The following DPH6 variants were observed in gnomAD, a reference collection of about 807,000 sequenced individuals.
DPH6 encodes the protein diphthine--ammonia ligase.
Under a neutral mutation model 38.2 loss-of-function variants are expected in DPH6, and 33 were observed. That is an observed-to-expected ratio of 0.86 (90% CI 0.65 to 1.15). The LOEUF is 1.15. DPH6 is among the 50% of genes most tolerant of loss of function. The pLI is 0.00. For synonymous variants in DPH6, 108 were observed against 103.0 expected (o/e 1.05, Z -0.30); for missense variants, 325 against 320.0 (o/e 1.02, Z -0.12).
chr15:35,264,412 C>T (rs1294411478), intron 3 of DPH6, among the ~76,000 whole-genome samples: 1 of 152,044 alleles, frequency 6.6e-6, no homozygotes, highest in Non-Finnish European at 1.5e-5. Context: ...GCTGATTTAC[C>T]CAACACTTTA....
chr15:35,205,729 T>C, the DPH6 span, among the ~76,000 whole-genome samples: 2 of 152,088 alleles, frequency 1.3e-5, no homozygotes, highest in Non-Finnish European at 2.9e-5. Flanking sequence ...CAAGACAGTG[T>C]GCTAGAATAA....
At chr15:35,359,446 T>A (rs529209703) in intron 3 of DPH6, among the ~76,000 whole-genome samples, 1 of 152,294 alleles carries the variant, frequency 6.6e-6, no homozygotes, top group Admixed American at 6.5e-5. Context: ...AGAGATTTGC[T>A]TCTCTCTGTG....
chr15:35,465,239 C>A (rs910558335), intron 3 of DPH6, among the ~76,000 whole-genome samples: 1 of 152,044 alleles, frequency 6.6e-6, no homozygotes, highest in African/African-American at 2.4e-5. Context: ...TGAGTTCCTG[C>A]CTGTTGAGAA....
intron 3 of DPH6, among the ~76,000 whole-genome samples, chr15:35,533,860 G>T (rs1207706658): frequency 6.6e-6 from 1 of 152,022 alleles, no homozygotes; most frequent in African/African-American, 2.4e-5. Context: ...CTGTTTGCAT[G>T]GAAGAGAACA....
chr15:35,530,787 T>G (rs1226168182), intron 3 of DPH6, among the ~76,000 whole-genome samples: 2 of 152,232 alleles, frequency 1.3e-5, no homozygotes, highest in South Asian at 2.1e-4. Flanking sequence ...CTTCATGTAC[T>G]TCCTCATGCA....
the DPH6 span, among the ~76,000 whole-genome samples, chr15:35,195,404 G>T: frequency 1.3e-5 from 2 of 152,110 alleles, no homozygotes; most frequent in African/African-American, 4.8e-5. Flanking sequence ...TATAAAAGAG[G>T]AAACTGAGGC....
At chr15:35,161,082 T>C in the DPH6 span, among the ~76,000 whole-genome samples, 3 of 151,912 alleles carry the variant, frequency 2.0e-5, no homozygotes, top group Admixed American at 1.3e-4. Context: ...ATGGCACATG[T>C]ATACATATGT....
At chr15:35,428,742 C>T (rs939852413) in intron 5 of DPH6, among the ~76,000 whole-genome samples, 1 of 152,024 alleles carries the variant, frequency 6.6e-6, no homozygotes, top group Admixed American at 6.6e-5. Flanking sequence ...TTCTCGTTGG[C>T]CCAGTAACCT....
In DPH6 at chr15:35,249,468, T is replaced by C. The variant is rs574665068; in HGVS notation, n.201-28886A>G. ...TATTACAGATATTTAAGGAGATAGATGGTATAAATCTATGTTCCTGGGGGT... is the reference window on the plus strand; with the variant it reads ...TATTACAGATATTTAAGGAGATAGACGGTATAAATCTATGTTCCTGGGGGT... On this transcript the variant is annotated intron_variant and non_coding_transcript_variant, in intron 3 of 3. Coordinates refer to the DPH6 transcript ENST00000560386. Among the ~76,000 whole-genome samples the C allele has an allele frequency of 1.1e-4, 16 of 152,310 alleles. No homozygotes were observed. In the South Asian group the frequency reaches 2.7e-3, roughly 26 times the overall value.
In DPH6 at chr15:35,472,464, CT is replaced by C. The variant is rs754251475; in HGVS notation, c.313-17645del. 2.0e-5 allele frequency among the ~76,000 whole-genome samples: 3 copies of C among 152,226 alleles called. No individual in the cohort carries two copies. The East Asian group carries it at 5.8e-4, about 29-fold the overall frequency. The stretch of plus-strand genomic sequence containing the variant: ...AGAGGGAAGAACCAGTTTTCCCTTC[CT>C]TGTGCCCTCCAATCTCCCCAGTACC... On this transcript the variant is annotated intron_variant, in intron 3 of 8. Transcript: ENST00000256538.
rs758649328 is a variant in DPH6 at position 35,450,714 on chromosome 15, T to C, written c.476A>G (p.Gln159Arg). 1.2e-5 allele frequency: 20 copies of C among 1,613,252 alleles called. No homozygotes were observed. The South Asian group carries it at 1.9e-4, about 15-fold the overall frequency. Residue 159 changes from glutamine to arginine, a missense_variant, in exon 5 of 9, where the codon CAA becomes CGA. Coordinates refer to ENST00000256538, the MANE Select transcript of DPH6 (RefSeq NM_080650.4). ...LLREMISSNI[Q>R]AMIIKVAALG... ...AGCTGCTACTTTGATGATCATTGCTTGAATGTTAGATGATATCATCTCTCT... is the reference window on the plus strand; with the variant it reads ...AGCTGCTACTTTGATGATCATTGCTCGAATGTTAGATGATATCATCTCTCT...
chr15:35,317,475 AAG>A (rs1177566916), intron 3 of DPH6, among the ~76,000 whole-genome samples: 1 of 151,596 alleles, frequency 6.6e-6, no homozygotes, highest in Non-Finnish European at 1.5e-5. Flanking sequence ...GAAAGAAAGA[AAG>A]ATACTCTCCA....
rs909511694 is a variant in DPH6, at chr15:35,234,429, G to A, written n.201-13847C>T. 2.6e-5 allele frequency among the ~76,000 whole-genome samples: 4 copies of A among 152,184 alleles called. No homozygotes were observed. The South Asian group carries it at 6.2e-4, about 24-fold the overall frequency. ...AACCAACTCTGCTAGTTCCAACTGG[G>A]TTCACAATTTAGCTCAAACATTACC... On this transcript the variant is annotated intron_variant and non_coding_transcript_variant, in intron 3 of 3. Coordinates refer to the DPH6 transcript ENST00000560386.
rs192481590 is a variant in DPH6 at position 35,454,518 on chromosome 15, T to C, written c.386+229A>G. 5.6e-4 allele frequency among the ~76,000 whole-genome samples: 85 copies of C among 152,252 alleles called. 2 individuals are homozygous for C. In the East Asian group the frequency reaches 0.016, roughly 29 times the overall value. On this transcript the variant is annotated intron_variant, in intron 4 of 8. Transcript: ENST00000256538. ...TAAAAAATCTGTCTCAATTCTATTATAGATTATTTTTCCTTACACTAAATA... is the reference window on the plus strand; with the variant it reads ...TAAAAAATCTGTCTCAATTCTATTACAGATTATTTTTCCTTACACTAAATA...
chr15:35,544,299 T>C (rs746997607), intron 1 of DPH6, among the ~76,000 whole-genome samples: 2 of 151,684 alleles, frequency 1.3e-5, no homozygotes, highest in Non-Finnish European at 2.9e-5. Flanking sequence ...AAAATAATGT[T>C]CTATGAGAGC....
In DPH6 at chr15:35,372,098, A is replaced by G; in HGVS notation, c.*52T>C. Reference sequence around the variant, plus strand: ...CATAGTAACTGAGAAAATACTATGCAATTTTTTTGTATAGAAATGGTGGTT... The same window carrying G: ...CATAGTAACTGAGAAAATACTATGCGATTTTTTTGTATAGAAATGGTGGTT... On this transcript the variant is annotated 3_prime_UTR_variant, in exon 9 of 9. Transcript: ENST00000256538. The G allele has an allele frequency of 6.7e-7, 1 of 1,485,052 alleles. No individual in the cohort carries two copies. The highest frequency in any genetic ancestry group is 8.9e-7 in the Non-Finnish European group (1 of 1,122,730). The allele number at this position is 1,485,052 out of a possible 1,614,324, so 92.0% of individuals were successfully genotyped here. A position where few individuals can be genotyped will look rare whatever the true frequency, so the allele number is the denominator to read the frequency against.
chr15:35,285,637 T>G (rs1342117928), intron 3 of DPH6, among the ~76,000 whole-genome samples: 1 of 152,110 alleles, frequency 6.6e-6, no homozygotes, highest in East Asian at 1.9e-4. Context: ...ACACCATTTT[T>G]CTCTAAAGAA....
chr15:35,270,995 A>G lies in DPH6; in HGVS notation n.201-50413T>C, dbSNP rs546211703. On this transcript the variant is annotated intron_variant and non_coding_transcript_variant, in intron 3 of 3. Transcript: ENST00000560386. Reference sequence around the variant, plus strand: ...AGAAATGGGAGCTGAAGCGAAGACCATCTACCTACAAACTGCATGTTTTTA... The same window carrying G: ...AGAAATGGGAGCTGAAGCGAAGACCGTCTACCTACAAACTGCATGTTTTTA... Among the ~76,000 whole-genome samples the G allele has an allele frequency of 7.9e-5, 12 of 152,340 alleles. No individual in the cohort carries two copies. The South Asian group carries it at 2.5e-3, about 32-fold the overall frequency.
intron 3 of DPH6, among the ~76,000 whole-genome samples, chr15:35,459,169 T>G (rs957700409): frequency 6.6e-6 from 1 of 152,194 alleles, no homozygotes; most frequent in Admixed American, 6.5e-5. Flanking sequence ...GAAATTTACT[T>G]TCTCACAGTT....
Sources: gnomAD v4.1 joint callset for allele counts (sites outside exome capture counted in the v4.1 genomes callset) on GRCh38, gnomAD v4.1.1 for gene constraint, MANE v1.5 for transcripts, NCBI Gene and HGNC (gene_info 2026-07-23, HGNC 2026-07-21) for gene names.